Variants in GK5 observed in about 807,000 individuals in gnomAD.
The protein encoded by GK5 is ATP:glycerol 3-phosphotransferase 5.
Under a neutral mutation model 77.3 loss-of-function variants are expected in GK5, and 39 were observed. The ratio of observed to expected loss-of-function variants is 0.50; its 90% CI spans 0.39 to 0.66. The LOEUF (loss-of-function observed/expected upper bound fraction) is 0.66. GK5 is among the 30% of genes least tolerant of loss of function. The probability of loss-of-function intolerance (pLI) is 0.00; values close to 1 mark genes in which losing one functional copy is unlikely to be tolerated. For synonymous variants in GK5, 211 were observed against 208.0 expected, an observed-to-expected ratio of 1.01 and a Z score of -0.13; for missense variants, 487 against 633.8, an observed-to-expected ratio of 0.77 and a Z score of 2.49.
chr3:142,204,608 A>C, intron 4 of GK5, 87 bp downstream of exon 4: 1 of 838,186 alleles, frequency 1.2e-6, no homozygotes, highest in Non-Finnish European at 2.1e-6. Flanking sequence ...ATGTCCTAAA[A>C]CAAAATAGGT....
chr3:142,159,843 C>CTTTTTTTTTT lies in GK5; in HGVS notation c.*5778_*5779insAAAAAAAAAA, dbSNP rs2063411427. ...TGTTTGGGGCTTTCTCTCTCTCTCT[C>CTTTTTTTTTT]TCTCTCTCTCTTTTTTTTTTTTGAG... On this transcript the variant is annotated 3_prime_UTR_variant, in exon 16 of 16. Coordinates refer to ENST00000392993, the MANE Select transcript of GK5 (RefSeq NM_001039547.3). 1 of 111,392 alleles carries CTTTTTTTTTT rather than the reference C, an allele frequency of 9.0e-6. No individual in the cohort carries two copies. The highest frequency in any genetic ancestry group is 1.9e-5 in the Non-Finnish European group (1 of 52,566). The allele number at this position is 111,392 out of a possible 1,614,324, so 6.9% of individuals were successfully genotyped here. A position where few individuals can be genotyped will look rare whatever the true frequency, so the allele number is the denominator to read the frequency against.
At chr3:142,217,808 C>T (rs2064292600) in intron 1 of GK5, among the ~76,000 whole-genome samples, 1 of 152,152 alleles carries the variant, frequency 6.6e-6, no homozygotes, top group East Asian at 1.9e-4. Flanking sequence ...GATTTCTCAT[C>T]AGAACCATGA....
At chr3:142,221,074 G>C (rs947887769) in intron 1 of GK5, among the ~76,000 whole-genome samples, 1 of 152,098 alleles carries the variant, frequency 6.6e-6, no homozygotes, top group African/African-American at 2.4e-5. Flanking sequence ...AAGATCACTA[G>C]TTAAGGAAAA....
At chr3:142,206,064 T>C (rs1420539646) in intron 3 of GK5, among the ~76,000 whole-genome samples, 1 of 152,234 alleles carries the variant, frequency 6.6e-6, no homozygotes, top group Non-Finnish European at 1.5e-5. Context: ...GCTTTCTAGA[T>C]TGATCCATGT....
chr3:142,180,181 C>G (rs940097084), intron 11 of GK5, among the ~76,000 whole-genome samples: 1 of 152,204 alleles, frequency 6.6e-6, no homozygotes, highest in Non-Finnish European at 1.5e-5. Flanking sequence ...TGCGCCCACT[C>G]CCCTTGGTCT....
chr3:142,219,572 G>A (rs1255853372), intron 1 of GK5, among the ~76,000 whole-genome samples: 2 of 152,152 alleles, frequency 1.3e-5, no homozygotes, highest in African/African-American at 4.8e-5. Context: ...TAGGTGAGTG[G>A]GGAGATGTGA....
At chr3:142,201,636 A>G (rs1577137256) in intron 4 of GK5, among the ~76,000 whole-genome samples, 1 of 152,334 alleles carries the variant, frequency 6.6e-6, no homozygotes, top group Middle Eastern at 3.4e-3. Context: ...ACTTATATAC[A>G]TACACATACA....
chr3:142,171,409 C>T lies in GK5; in HGVS notation c.1307+10G>A. ...TCTAATTAAGTCTATTAGAAATAAA[C>T]TTTACATACCGGATTTTTCTTACAG... On this transcript the variant is annotated intron_variant, in intron 14 of 15. Coordinates refer to ENST00000392993, the MANE Select transcript of GK5 (RefSeq NM_001039547.3). 2 of 1,477,538 alleles carry T rather than the reference C, an allele frequency of 1.4e-6. No homozygotes were observed. The highest frequency in any genetic ancestry group is 2.5e-5 in the South Asian group (2 of 79,220). The allele number at this position is 1,477,538 out of a possible 1,614,324, so 91.5% of individuals were successfully genotyped here.
intron 1 of GK5, among the ~76,000 whole-genome samples, chr3:142,221,049 T>C (rs1225745917): frequency 1.3e-5 from 2 of 152,150 alleles, no homozygotes; most frequent in East Asian, 3.9e-4. Flanking sequence ...ACCAAAAAAA[T>C]GCAGATAACC....
chr3:142,222,234 G>A (rs1396044461), intron 1 of GK5, among the ~76,000 whole-genome samples: 1 of 152,178 alleles, frequency 6.6e-6, no homozygotes, highest in Non-Finnish European at 1.5e-5. Flanking sequence ...CAAATTATCT[G>A]CAGTAAAGGA....
At chr3:142,204,839 G>A (rs1169414462) in intron 3 of GK5, 51 bp from the exon 4 acceptor site, 1 of 1,010,920 alleles carries the variant, frequency 9.9e-7, no homozygotes, top group Non-Finnish European at 1.5e-6. Context: ...CAGAGACTAT[G>A]TTAAAGATGT....
intron 5 of GK5, among the ~76,000 whole-genome samples, chr3:142,196,947 G>T (rs1009763629): frequency 6.6e-6 from 1 of 152,138 alleles, no homozygotes; most frequent in Non-Finnish European, 1.5e-5. Context: ...CAGCACTTTG[G>T]GAGGCCGAGG....
rs1261894317 is a variant in GK5, at chr3:142,225,330, G to A, written c.126C>T (p.Val42=). Residue 42 remains valine, a synonymous_variant, in exon 1 of 16, where the codon GTC becomes GTT. Coordinates refer to ENST00000392993, the MANE Select transcript of GK5 (RefSeq NM_001039547.3). The part of the protein sequence containing the change: ...RCHVYDRAAR[V]CGSSVQKVEN... Reference sequence around the variant, plus strand: ...TCACCTTCTGCACGCTGGAGCCGCAGACCCGCGCCGCCCGGTCATAGACGT... The same window carrying A: ...TCACCTTCTGCACGCTGGAGCCGCAAACCCGCGCCGCCCGGTCATAGACGT... 6.4e-7 allele frequency: 1 copy of A among 1,551,930 alleles called. No individual in the cohort carries two copies. The highest frequency in any genetic ancestry group is 1.2e-5 in the South Asian group (1 of 83,528).
intron 8 of GK5, 96 bp from the exon 9 acceptor site, chr3:142,186,085 A>G (rs2063765944): frequency 1.7e-6 from 2 of 1,166,872 alleles, no homozygotes; most frequent in East Asian, 2.3e-5. Context: ...AAAAAGTTAC[A>G]TAATGAACAT....
intron 5 of GK5, among the ~76,000 whole-genome samples, chr3:142,192,616 T>G (rs2063868113): frequency 6.6e-6 from 1 of 151,798 alleles, no homozygotes; most frequent in Non-Finnish European, 1.5e-5. Context: ...ATACAAAAAT[T>G]AACTGGGCAT....
intron 3 of GK5, among the ~76,000 whole-genome samples, chr3:142,209,001 T>G (rs937513168): frequency 2.6e-5 from 4 of 151,900 alleles, no homozygotes; most frequent in African/African-American, 7.3e-5. Context: ...TACAAAAAAT[T>G]AGCCGAGCGC....
chr3:142,174,446 T>C (rs1462445244), intron 12 of GK5, among the ~76,000 whole-genome samples: 4 of 152,190 alleles, frequency 2.6e-5, no homozygotes. Flanking sequence ...GCCAGTTCAA[T>C]TAGTCCCTAG....
In GK5 at chr3:142,219,579, G is replaced by A. The variant is rs145821377; in HGVS notation, c.148-3887C>T. On this transcript the variant is annotated intron_variant, in intron 1 of 15. Transcript: ENST00000392993. ...CTAGAGGTTAGGTGAGTGGGGAGATGTGACTACAATAAAGTAACACAAGGG... is the reference window on the plus strand; with the variant it reads ...CTAGAGGTTAGGTGAGTGGGGAGATATGACTACAATAAAGTAACACAAGGG... 4.1e-3 allele frequency among the ~76,000 whole-genome samples: 629 copies of A among 152,292 alleles called. 7 individuals are homozygous for A. Among genetic ancestry groups the A allele is most frequent in the Non-Finnish European group, 3.3e-3 (225 of 68,024 alleles).
chr3:142,174,835 A>C (rs1472328568), intron 12 of GK5, among the ~76,000 whole-genome samples: 1 of 152,322 alleles, frequency 6.6e-6, no homozygotes, highest in East Asian at 1.9e-4. Context: ...GAAAACCAAA[A>C]CCAGGAAACC....
Sources: gnomAD v4.1 joint callset for allele counts (sites outside exome capture counted in the v4.1 genomes callset) on GRCh38, gnomAD v4.1.1 for gene constraint, MANE v1.5 for transcripts, NCBI Gene and HGNC (gene_info 2026-07-23, HGNC 2026-07-21) for gene names.